MAGI1: variants seen among roughly 807,000 people sequenced by gnomAD.
The protein encoded by MAGI1 is membrane associated guanylate kinase, WW and PDZ domain containing 1.
Under a neutral mutation model 139.9 loss-of-function variants are expected in MAGI1, and 58 were observed. The ratio of observed to expected loss-of-function variants is 0.41; its 90% confidence interval spans 0.34 to 0.52. The LOEUF is 0.52. Ranked by LOEUF, MAGI1 falls within the 20% of genes least tolerant of loss-of-function variation. The probability of loss-of-function intolerance (pLI) is 0.12; values close to 1 mark genes in which losing one functional copy is unlikely to be tolerated. For missense variants in MAGI1, 1,874 were observed against 1,901.6 expected (o/e 0.99, Z 0.27); for synonymous variants, 812 against 737.9 (o/e 1.10, Z -1.63).
intron 5 of MAGI1, among the ~76,000 whole-genome samples, chr3:65,454,535 AATAAT>A (rs1363554901): frequency 1.4e-5 from 2 of 144,434 alleles, no homozygotes; most frequent in Non-Finnish European, 3.0e-5. Flanking sequence ...GTATAATAAT[AATAAT>A]AATAATAATA....
At chr3:65,361,133 C>T (rs760852642) in intron 22 of MAGI1, 66 bp downstream of exon 22, 54 of 1,613,348 alleles carry the variant, frequency 3.3e-5, no homozygotes, top group South Asian at 1.3e-4. Flanking sequence ...TTCCTGCTGC[C>T]GTTCTGGAGA....
At chr3:65,674,501 G>C (rs2087062100) in intron 1 of MAGI1, among the ~76,000 whole-genome samples, 1 of 152,162 alleles carries the variant, frequency 6.6e-6, no homozygotes, top group Non-Finnish European at 1.5e-5. Flanking sequence ...TGCATCACAA[G>C]AACAACCCCT....
intron 2 of MAGI1, among the ~76,000 whole-genome samples, chr3:65,606,066 T>G (rs768766162): frequency 6.6e-6 from 1 of 152,196 alleles, no homozygotes; most frequent in African/African-American, 2.4e-5. Flanking sequence ...GAGCACCTAC[T>G]ATGTGCCAGA....
chr3:65,493,524 C>T lies in MAGI1; in HGVS notation c.538G>A (p.Gly180Ser), dbSNP rs1250552603. The T allele has an allele frequency of 3.7e-6, 6 of 1,614,088 alleles. No homozygotes were observed. Among genetic ancestry groups the T allele is most frequent in the Admixed American group, 3.3e-5 (2 of 60,010 alleles). ...LEQSGTLLEV[G>S]TYEGNYYGTP... Reference sequence around the variant, plus strand: ...ACAAGTAACTCACCTTCATAGGTGCCGACTTCCAGAAGAGTCCCACTCTGC... The same window carrying T: ...ACAAGTAACTCACCTTCATAGGTGCTGACTTCCAGAAGAGTCCCACTCTGC... The change falls in exon 3 of 23, where the codon GGC (glycine) becomes AGC (serine). Residue 180 changes from glycine to serine, a missense_variant. Transcript: ENST00000402939.
intron 1 of MAGI1, among the ~76,000 whole-genome samples, chr3:65,973,614 C>T (rs1229604178): frequency 1.3e-5 from 2 of 152,196 alleles, no homozygotes; most frequent in African/African-American, 4.8e-5. Context: ...CTTAGTTCTG[C>T]ATTTGAAATT....
At chr3:65,472,209 CA>C (rs1950595405) in intron 4 of MAGI1, among the ~76,000 whole-genome samples, 1 of 152,024 alleles carries the variant, frequency 6.6e-6, no homozygotes, top group African/African-American at 2.4e-5. Flanking sequence ...AAAATAAATT[CA>C]AAACCCGGCA....
intron 1 of MAGI1, among the ~76,000 whole-genome samples, chr3:65,676,534 A>C (rs931974187): frequency 1.3e-5 from 2 of 152,202 alleles, no homozygotes; most frequent in African/African-American, 4.8e-5. Context: ...TCCAATTAAA[A>C]ATGCAGAATT....
intron 1 of MAGI1, among the ~76,000 whole-genome samples, chr3:65,826,432 G>A (rs1489951679): frequency 2.0e-5 from 3 of 152,198 alleles, no homozygotes; most frequent in Non-Finnish European, 4.4e-5. Flanking sequence ...AGCATTCTGT[G>A]CAAATTCTTA....
At chr3:65,687,663 G>A (rs1480321666) in intron 1 of MAGI1, 9 of 489,896 alleles carry the variant, frequency 1.8e-5, no homozygotes, top group Non-Finnish European at 3.7e-5. Flanking sequence ...CAGCTGCCCC[G>A]CTGGTAATAC....
chr3:65,957,278 C>T lies in MAGI1; in HGVS notation c.313+80718G>A, dbSNP rs972376926. 8.2e-5 allele frequency among the ~76,000 whole-genome samples: 12 copies of T among 146,044 alleles called. 1 individual carries two copies. Among genetic ancestry groups the T allele is most frequent in the African/African-American group, 2.8e-4 (11 of 39,076 alleles). On this transcript the variant is annotated intron_variant, in intron 1 of 22. Transcript: ENST00000402939. ...ATCTATAATACAGTACTTTGGGAGGCGTCGATGGGTAGATCACTTGAGGCC... is the reference window on the plus strand; with the variant it reads ...ATCTATAATACAGTACTTTGGGAGGTGTCGATGGGTAGATCACTTGAGGCC...
chr3:65,686,969 A>C (rs1381989997), intron 1 of MAGI1, among the ~76,000 whole-genome samples: 3 of 152,230 alleles, frequency 2.0e-5, no homozygotes, highest in Non-Finnish European at 4.4e-5. Context: ...AGGTGCTTTT[A>C]TAGCTGAAAC....
chr3:65,661,440 A>C (rs2086182181), intron 1 of MAGI1, among the ~76,000 whole-genome samples: 1 of 152,184 alleles, frequency 6.6e-6, no homozygotes. Context: ...GAGGGAAAAA[A>C]GTGGGTCCAA....
chr3:65,925,009 A>T (rs768745203), intron 1 of MAGI1: 2 of 152,212 alleles, frequency 1.3e-5, no homozygotes, highest in Non-Finnish European at 2.9e-5. Flanking sequence ...TCTGACCACA[A>T]GATCCTTTGA....
At chr3:65,388,291 T>C (rs969665779) in intron 14 of MAGI1, among the ~76,000 whole-genome samples, 2 of 152,144 alleles carry the variant, frequency 1.3e-5, no homozygotes, top group Non-Finnish European at 2.9e-5. Flanking sequence ...ATCTCCACAT[T>C]GCCCCTAATA....
rs115115364 is a variant in MAGI1 at position 65,689,632 on chromosome 3, G to A, written c.314-67544C>T. ...AAGGAAAACTCCTGGGCTGGTTACA[G>A]TTACATCGTCTGGAATATTCAAAGT... On this transcript the variant is annotated intron_variant, in intron 1 of 22. Transcript: ENST00000402939. Among the ~76,000 whole-genome samples the A allele has an allele frequency of 2.4e-3, 367 of 152,282 alleles. 1 individual carries two copies. Among genetic ancestry groups the A allele is most frequent in the Non-Finnish European group, 3.9e-3 (264 of 68,026 alleles).
chr3:65,395,582 A>T (rs1192961230), intron 13 of MAGI1, among the ~76,000 whole-genome samples: 1 of 141,648 alleles, frequency 7.1e-6, no homozygotes, highest in African/African-American at 2.6e-5. Flanking sequence ...GCTTCCAGTG[A>T]GCTGAGATCA....
chr3:65,397,089 G>T (rs1021903016), intron 13 of MAGI1, among the ~76,000 whole-genome samples: 2 of 152,164 alleles, frequency 1.3e-5, no homozygotes, highest in African/African-American at 2.4e-5. Flanking sequence ...GTGATCCTAT[G>T]CCTTCACCCA....
At chr3:65,875,769 T>C (rs2060093003) in intron 1 of MAGI1, among the ~76,000 whole-genome samples, 1 of 152,182 alleles carries the variant, frequency 6.6e-6, no homozygotes, top group Non-Finnish European at 1.5e-5. Flanking sequence ...AAAGGAATAA[T>C]AACAGCTAGT....
At chr3:65,987,292 T>C (rs915517941) in intron 1 of MAGI1, among the ~76,000 whole-genome samples, 1 of 152,204 alleles carries the variant, frequency 6.6e-6, no homozygotes, top group Admixed American at 6.5e-5. Context: ...GGGCAAGGCA[T>C]GCACCTTGTC....
Sources: allele counts gnomAD v4.1 joint callset (sites outside exome capture counted in the v4.1 genomes callset), GRCh38; gene constraint gnomAD v4.1.1; transcripts MANE v1.5; gene names NCBI Gene and HGNC (gene_info 2026-07-23, HGNC 2026-07-21).